STX17: variants seen among roughly 807,000 people sequenced by gnomAD.
The protein encoded by STX17 is syntaxin 17, also known as syntaxin-17.
A neutral mutation model predicts 35.9 loss-of-function variants in STX17; 29 were observed. The observed-to-expected ratio is 0.81, with a 90% CI of 0.60 to 1.10. The LOEUF (loss-of-function observed/expected upper bound fraction) is 1.10. Ranked by LOEUF, STX17 falls within the 50% of genes least tolerant of loss-of-function variation. The pLI is 0.00. For synonymous variants in STX17, 92 were observed against 118.3 expected (o/e 0.78, Z 1.44); for missense variants, 312 against 352.3 (o/e 0.89, Z 0.92).
intron 6 of STX17, chr9:99,967,425 G>T: frequency 2.6e-6 from 1 of 378,572 alleles, no homozygotes; most frequent in Non-Finnish European, 4.8e-6. Flanking sequence ...GATGCTTTTT[G>T]CTGTAAAGTT....
At chr9:99,959,867 T>G in intron 4 of STX17, 50 bp from the exon 5 acceptor site, 2 of 1,383,804 alleles carry the variant, frequency 1.4e-6, no homozygotes, top group Non-Finnish European at 2.0e-6. Flanking sequence ...GCTGTCTCTT[T>G]TCTAACAAAG....
chr9:99,916,268 T>G, intron 2 of STX17: 1 of 339,858 alleles, frequency 2.9e-6, no homozygotes. Flanking sequence ...AAACATCAAG[T>G]TTACTCAGTA....
At chr9:99,927,922 A>T (rs1306616021) in intron 2 of STX17, among the ~76,000 whole-genome samples, 4 of 151,988 alleles carry the variant, frequency 2.6e-5, no homozygotes, top group Admixed American at 6.6e-5. Flanking sequence ...TGCCCTAGAA[A>T]TTTTTTTTAA....
At chr9:99,924,344 C>T (rs551922236) in intron 2 of STX17, among the ~76,000 whole-genome samples, 37 of 152,178 alleles carry the variant, frequency 2.4e-4, no homozygotes, top group African/African-American at 8.2e-4. Flanking sequence ...ATGTGTCCCA[C>T]GTGGGCCATG....
chr9:99,908,299 A>G (rs1366271367), intron 1 of STX17, among the ~76,000 whole-genome samples: 2 of 152,190 alleles, frequency 1.3e-5, no homozygotes, highest in Non-Finnish European at 2.9e-5. Flanking sequence ...TTCTCCTCAG[A>G]CTTTCCCTTG....
intron 4 of STX17, among the ~76,000 whole-genome samples, chr9:99,959,517 C>T (rs548457934): frequency 1.4e-4 from 20 of 141,346 alleles, no homozygotes; most frequent in Non-Finnish European, 2.6e-4. Context: ...TGGAGTGCAG[C>T]GGCGTGATCA....
At chr9:99,917,280 A>G (rs1462872404) in intron 2 of STX17, among the ~76,000 whole-genome samples, 1 of 151,978 alleles carries the variant, frequency 6.6e-6, no homozygotes, top group Non-Finnish European at 1.5e-5. Context: ...TTTTTTATCT[A>G]TATAGGATTG....
At chr9:99,965,911 A>C (rs1451706656) in intron 6 of STX17, among the ~76,000 whole-genome samples, 2 of 152,202 alleles carry the variant, frequency 1.3e-5, no homozygotes, top group Non-Finnish European at 2.9e-5. Flanking sequence ...AAGTATCACT[A>C]TTCTTACTTG....
At chr9:99,937,330 C>A (rs956143917) in intron 3 of STX17, among the ~76,000 whole-genome samples, 9 of 152,150 alleles carry the variant, frequency 5.9e-5, no homozygotes, top group African/African-American at 2.2e-4. Flanking sequence ...GGCCATTATT[C>A]ATATATTTTT....
chr9:99,951,524 A>G (rs949693760), intron 4 of STX17, among the ~76,000 whole-genome samples: 64 of 151,992 alleles, frequency 4.2e-4, no homozygotes, highest in African/African-American at 1.5e-3. Context: ...CCGTTTGTCT[A>G]TTTATTGAAG....
In STX17 at chr9:99,971,058, A is replaced by G. The variant is rs563780382; in HGVS notation, c.*2385A>G. Among the ~76,000 whole-genome samples the G allele has an allele frequency of 1.7e-3, 265 of 152,252 alleles. 1 individual carries two copies. The highest frequency in any genetic ancestry group is 2.1e-3 in the Non-Finnish European group (142 of 68,044). On this transcript the variant is annotated 3_prime_UTR_variant, in exon 8 of 8. Transcript: ENST00000259400. ...ATGGAACCTAATAGCCAACTTTTTCATAGAAATTGCTAGAAGAGTTTGATC... is the reference window on the plus strand; with the variant it reads ...ATGGAACCTAATAGCCAACTTTTTCGTAGAAATTGCTAGAAGAGTTTGATC...
chr9:99,960,350 C>T (rs1829804528), intron 6 of STX17, among the ~76,000 whole-genome samples, 195 bp downstream of exon 6: 1 of 152,140 alleles, frequency 6.6e-6, no homozygotes, highest in Non-Finnish European at 1.5e-5. Flanking sequence ...TTGTTATATA[C>T]AAGCAGTGTG....
chr9:99,973,438 C>T lies in STX17; in HGVS notation c.*4765C>T, dbSNP rs540009030. Reference sequence around the variant, plus strand: ...TAGCTACAACGGAAAGATAATTGGACGGGGAATCCTGAGATCAGAGTCCTA... The same window carrying T: ...TAGCTACAACGGAAAGATAATTGGATGGGGAATCCTGAGATCAGAGTCCTA... On this transcript the variant is annotated 3_prime_UTR_variant, in exon 8 of 8. Transcript: ENST00000259400. 4.6e-5 allele frequency among the ~76,000 whole-genome samples: 7 copies of T among 152,260 alleles called. No homozygotes were observed. Among genetic ancestry groups the T allele is most frequent in the South Asian group, 2.1e-4 (1 of 4,822 alleles).
At chr9:99,954,394 G>T (rs564033856) in intron 4 of STX17, among the ~76,000 whole-genome samples, 3 of 151,874 alleles carry the variant, frequency 2.0e-5, no homozygotes, top group Non-Finnish European at 4.4e-5. Flanking sequence ...TGAGTATTTC[G>T]CCAAGTGTGA....
At chr9:99,920,695 A>G (rs540839487) in intron 2 of STX17, among the ~76,000 whole-genome samples, 4 of 152,194 alleles carry the variant, frequency 2.6e-5, no homozygotes, top group African/African-American at 9.7e-5. Flanking sequence ...CTGTTTAGCA[A>G]TGCTTGTCAG....
intron 2 of STX17, among the ~76,000 whole-genome samples, chr9:99,915,882 A>G (rs1291573200): frequency 1.3e-5 from 2 of 152,078 alleles, no homozygotes; most frequent in Non-Finnish European, 2.9e-5. Flanking sequence ...TTAATTGTAC[A>G]TATTGAGGTT....
chr9:99,963,138 A>C (rs1198823341), intron 6 of STX17, among the ~76,000 whole-genome samples: 1 of 152,200 alleles, frequency 6.6e-6, no homozygotes. Context: ...AATTTATGTT[A>C]TATTTATTTT....
intron 3 of STX17, among the ~76,000 whole-genome samples, chr9:99,949,010 G>C (rs1379783688): frequency 6.6e-6 from 1 of 152,042 alleles, no homozygotes; most frequent in Non-Finnish European, 1.5e-5. Flanking sequence ...GAGTCACATA[G>C]CCAGGAAATG....
intron 3 of STX17, chr9:99,929,164 G>A (rs9299335): frequency 0.69 from 123,485 of 180,070 alleles, 42,665 homozygotes; most frequent in East Asian, 0.72. Flanking sequence ...CCACTTCGTT[G>A]TTCTAATCTG....
Sources: gnomAD v4.1 joint callset for allele counts (sites outside exome capture counted in the v4.1 genomes callset) on GRCh38, gnomAD v4.1.1 for gene constraint, MANE v1.5 for transcripts, NCBI Gene and HGNC (gene_info 2026-07-23, HGNC 2026-07-21) for gene names.